MYRIP: variants seen among roughly 807,000 people sequenced by gnomAD.
The protein encoded by MYRIP is myosin VIIA and Rab interacting protein.
In MYRIP, 49 loss-of-function variants were observed where a neutral mutation model predicts 98.0. The observed-to-expected ratio is 0.50, with a 90% CI of 0.40 to 0.63. The LOEUF (loss-of-function observed/expected upper bound fraction) is 0.63. Among genes scored for constraint, MYRIP ranks in the 30% least tolerant of loss-of-function variants. MYRIP has a pLI of 0.00. For synonymous variants in MYRIP, 404 were observed against 409.5 expected, an observed-to-expected ratio of 0.99 and a Z score of 0.16; for missense variants, 1,004 against 1,058.2, an observed-to-expected ratio of 0.95 and a Z score of 0.71.
At chr3:39,979,961 A>G (rs1945849165) in intron 2 of MYRIP, among the ~76,000 whole-genome samples, 2 of 152,244 alleles carry the variant, frequency 1.3e-5, no homozygotes, top group African/African-American at 4.8e-5. Context: ...TTGATACTGA[A>G]GAAGCAAAGG....
intron 16 of MYRIP, among the ~76,000 whole-genome samples, chr3:40,253,491 C>G (rs1225388307): frequency 1.3e-5 from 2 of 152,086 alleles, no homozygotes; most frequent in Admixed American, 6.6e-5. Context: ...CAAATAAAAA[C>G]TCAAACAAGC....
intron 7 of MYRIP, among the ~76,000 whole-genome samples, chr3:40,168,924 G>C (rs1950554937): frequency 6.6e-6 from 1 of 152,144 alleles, no homozygotes; most frequent in Non-Finnish European, 1.5e-5. Context: ...TTCCCTTTTG[G>C]TCACGATAAT....
intron 3 of MYRIP, among the ~76,000 whole-genome samples, chr3:40,116,955 G>A (rs1474139915): frequency 6.6e-6 from 1 of 151,998 alleles, no homozygotes; most frequent in African/African-American, 2.4e-5. Context: ...GGAATGAGTG[G>A]AGGCCCAACC....
At chr3:39,956,893 A>G (rs1575412335) in intron 2 of MYRIP, among the ~76,000 whole-genome samples, 2 of 152,020 alleles carry the variant, frequency 1.3e-5, no homozygotes, top group African/African-American at 4.8e-5. Flanking sequence ...AGAGAATACT[A>G]TAAACACCCC....
chr3:40,069,655 G>C (rs1271185026), intron 3 of MYRIP, among the ~76,000 whole-genome samples: 1 of 152,056 alleles, frequency 6.6e-6, no homozygotes, highest in Non-Finnish European at 1.5e-5. Context: ...GACTACTTTA[G>C]GTACCTCATA....
chr3:39,994,508 CT>C (rs943925555), intron 2 of MYRIP, among the ~76,000 whole-genome samples: 3 of 152,222 alleles, frequency 2.0e-5, no homozygotes, highest in African/African-American at 7.2e-5. Flanking sequence ...CCTGCCATTG[CT>C]GAGGCTTGAG....
chr3:40,192,353 T>TGTCATATATATATGTCATATATATATG (rs1491229160), intron 10 of MYRIP, among the ~76,000 whole-genome samples: 1 of 138,386 alleles, frequency 7.2e-6, no homozygotes, highest in African/African-American at 2.6e-5. Flanking sequence ...CATATATATA[T>TGTCATATATATATGTCATATATATATG]TTATATTTAT....
intron 3 of MYRIP, among the ~76,000 whole-genome samples, chr3:40,135,720 A>G (rs1005059592): frequency 3.9e-5 from 6 of 152,206 alleles, no homozygotes; most frequent in South Asian, 2.1e-4. Flanking sequence ...GACAGTGGAG[A>G]CCAATATTCA....
At chr3:39,952,301 A>C (rs887334749) in intron 2 of MYRIP, among the ~76,000 whole-genome samples, 1 of 152,072 alleles carries the variant, frequency 6.6e-6, no homozygotes, top group Non-Finnish European at 1.5e-5. Flanking sequence ...CACTCAATGC[A>C]TTGTTTTCAC....
chr3:40,075,746 T>G (rs1948329598), intron 3 of MYRIP, among the ~76,000 whole-genome samples: 2 of 147,362 alleles, frequency 1.4e-5, no homozygotes, highest in African/African-American at 2.5e-5. Context: ...AGAAAGGGGG[T>G]GGAGTAAATG....
intron 10 of MYRIP, among the ~76,000 whole-genome samples, chr3:40,206,129 A>G (rs570186891): frequency 6.6e-5 from 10 of 152,312 alleles, no homozygotes; most frequent in African/African-American, 2.4e-4. Context: ...CATGGACTCC[A>G]TATCAGCCAA....
intron 2 of MYRIP, among the ~76,000 whole-genome samples, chr3:40,002,587 C>G (rs1422560725): frequency 6.6e-6 from 1 of 151,856 alleles, no homozygotes; most frequent in Non-Finnish European, 1.5e-5. Flanking sequence ...CTGCCACTCC[C>G]AAGATCTGCT....
At chr3:40,197,034 T>G (rs923304373) in intron 10 of MYRIP, among the ~76,000 whole-genome samples, 10 of 152,152 alleles carry the variant, frequency 6.6e-5, no homozygotes, top group African/African-American at 2.4e-4. Flanking sequence ...ACGCTGAGCC[T>G]CTATGCCAGG....
chr3:39,979,077 A>C (rs985359826), intron 2 of MYRIP, among the ~76,000 whole-genome samples: 1 of 152,180 alleles, frequency 6.6e-6, no homozygotes, highest in Non-Finnish European at 1.5e-5. Context: ...CAGCTCTGGA[A>C]TGCCTAAGTC....
intron 1 of MYRIP, among the ~76,000 whole-genome samples, chr3:39,843,650 A>T (rs181679316): frequency 2.0e-5 from 3 of 152,316 alleles, no homozygotes; most frequent in Admixed American, 2.0e-4. Context: ...GGAAACTGGC[A>T]GTTAAGTATT....
chr3:40,234,076 T>C (rs763839718), intron 12 of MYRIP, 23 bp downstream of exon 12: 3 of 1,568,376 alleles, frequency 1.9e-6, no homozygotes, highest in Admixed American at 2.1e-5. Context: ...GGAGGTGCCC[T>C]GTCTAGGGTG....
chr3:40,124,539 A>C (rs1055608700), intron 3 of MYRIP, among the ~76,000 whole-genome samples: 4 of 152,172 alleles, frequency 2.6e-5, no homozygotes, highest in Admixed American at 1.3e-4. Context: ...CTGCCTCCCC[A>C]TGCACCTGTG....
intron 2 of MYRIP, among the ~76,000 whole-genome samples, chr3:39,964,907 G>A (rs559380434): frequency 4.1e-4 from 62 of 152,104 alleles, no homozygotes; most frequent in Admixed American, 1.6e-3. Flanking sequence ...AATATATTGG[G>A]TCATTTTGAT....
chr3:39,961,341 C>T lies in MYRIP; in HGVS notation c.110+60415C>T, dbSNP rs189489471. 2.6e-5 allele frequency among the ~76,000 whole-genome samples: 4 copies of T among 152,232 alleles called. No homozygotes were observed. The East Asian group carries it at 7.7e-4, about 29-fold the overall frequency. ...ATAATTATTTTATTCATTTATACTT[C>T]TGTCTTACTTCAGAAAGGATTTGAA... On this transcript the variant is annotated intron_variant, in intron 2 of 16. Coordinates refer to ENST00000302541, the MANE Select transcript of MYRIP (RefSeq NM_015460.4).
Sources: gnomAD v4.1 joint callset for allele counts (sites outside exome capture counted in the v4.1 genomes callset) on GRCh38, gnomAD v4.1.1 for gene constraint, MANE v1.5 for transcripts, NCBI Gene and HGNC (gene_info 2026-07-23, HGNC 2026-07-21) for gene names.